Variants in RNF216 observed in about 807,000 individuals in gnomAD.
RNF216 encodes ring finger protein 216, also known as E3 ubiquitin-protein ligase RNF216.
A neutral mutation model predicts 110.8 loss-of-function variants in RNF216; 72 were observed. The observed-to-expected ratio is 0.65, with a 90% confidence interval of 0.54 to 0.79. The LOEUF is 0.79. Among genes scored for constraint, RNF216 ranks in the 30% least tolerant of loss-of-function variants. The pLI, the probability that RNF216 is intolerant of heterozygous loss-of-function variation, is 0.00. For missense variants in RNF216, 1,342 were observed against 1,141.2 expected (o/e 1.18, Z -2.54); for synonymous variants, 495 against 407.5 (o/e 1.21, Z -2.59).
intron 13 of RNF216, among the ~76,000 whole-genome samples, chr7:5,664,924 G>C (rs1789409897): frequency 6.6e-6 from 1 of 152,194 alleles, no homozygotes; most frequent in South Asian, 2.1e-4. Flanking sequence ...AGCCTCCCAA[G>C]TAGCTGGGAT....
chr7:5,735,691 A>G (rs556534865), intron 5 of RNF216, among the ~76,000 whole-genome samples: 1 of 152,234 alleles, frequency 6.6e-6, no homozygotes, highest in Non-Finnish European at 1.5e-5. Flanking sequence ...AGAAGACAGG[A>G]AACAGCTACA....
intron 1 of RNF216, among the ~76,000 whole-genome samples, chr7:5,769,926 C>CTGA (rs1796405035): frequency 7.7e-6 from 1 of 130,168 alleles, no homozygotes; most frequent in Admixed American, 9.3e-5. Context: ...AGCCAGGAGG[C>CTGA]TGAGACAGAG....
At chr7:5,708,262 T>C (rs1225337970) in intron 13 of RNF216, among the ~76,000 whole-genome samples, 1 of 152,250 alleles carries the variant, frequency 6.6e-6, no homozygotes, top group East Asian at 1.9e-4. Context: ...TCTATAGTGT[T>C]GTTCAAGTCA....
At chr7:5,677,424 G>A (rs1367274363) in intron 13 of RNF216, among the ~76,000 whole-genome samples, 1 of 152,048 alleles carries the variant, frequency 6.6e-6, no homozygotes, top group East Asian at 1.9e-4. Flanking sequence ...CATTTTCTCA[G>A]GCTTTCCTCT....
At chr7:5,735,678 T>TA (rs1340162298) in intron 5 of RNF216, among the ~76,000 whole-genome samples, 4 of 152,114 alleles carry the variant, frequency 2.6e-5, no homozygotes, top group Non-Finnish European at 5.9e-5. Flanking sequence ...GGAGAAGAGT[T>TA]ACAGAAGACA....
At chr7:5,699,547 T>C (rs1791836133) in intron 13 of RNF216, among the ~76,000 whole-genome samples, 1 of 152,266 alleles carries the variant, frequency 6.6e-6, no homozygotes. Context: ...CTTTTTGTTG[T>C]GTTCTTCACC....
At chr7:5,651,140 T>A (rs1366807136) in intron 14 of RNF216, among the ~76,000 whole-genome samples, 1 of 152,226 alleles carries the variant, frequency 6.6e-6, no homozygotes, top group East Asian at 1.9e-4. Context: ...TTCTTTGGGT[T>A]TGAGTGTAAA....
chr7:5,723,218 A>G (rs146117556), intron 8 of RNF216, among the ~76,000 whole-genome samples: 28 of 152,352 alleles, frequency 1.8e-4, no homozygotes, highest in Non-Finnish European at 3.1e-4. Flanking sequence ...TTAAGTGCTC[A>G]ATGTTAATTA....
chr7:5,740,515 G>C (rs889912037), intron 4 of RNF216, among the ~76,000 whole-genome samples: 3 of 152,136 alleles, frequency 2.0e-5, no homozygotes, highest in African/African-American at 7.2e-5. Flanking sequence ...TAAGCTGTTA[G>C]CCTCATGTGG....
intron 5 of RNF216, among the ~76,000 whole-genome samples, chr7:5,737,086 G>T (rs904009554): frequency 2.6e-5 from 4 of 152,256 alleles, no homozygotes; most frequent in African/African-American, 9.6e-5. Flanking sequence ...TAGAAAAGGG[G>T]GAAATGTGGG....
chr7:5,646,649 C>T (rs907681832), intron 14 of RNF216, among the ~76,000 whole-genome samples: 6 of 151,306 alleles, frequency 4.0e-5, no homozygotes, highest in Middle Eastern at 3.4e-3. Context: ...GCCAAGATTG[C>T]ACCACTGCAC....
chr7:5,663,598 A>AG (rs1789299462), intron 13 of RNF216, among the ~76,000 whole-genome samples: 1 of 150,122 alleles, frequency 6.7e-6, no homozygotes, highest in African/African-American at 2.5e-5. Context: ...AAAAAAAAAA[A>AG]AAAAAAAAAA....
rs1187593337 is a variant in RNF216 at position 5,775,522 on chromosome 7, T to A, written c.-70+6019A>T. ...GCCACTTCTGCAACAGATTTGGGGG[T>A]CACTAAAGACTTTCAAATTTAATGA... On this transcript the variant is annotated intron_variant, in intron 1 of 16. Transcript: ENST00000389902. Among the ~76,000 whole-genome samples the A allele has an allele frequency of 2.0e-5, 3 of 151,792 alleles. No individual in the cohort carries two copies. The East Asian group carries it at 5.8e-4, about 29-fold the overall frequency.
In RNF216 at chr7:5,626,952, A is replaced by G. The variant is rs572415121; in HGVS notation, c.2383-2827T>C. 2.0e-5 allele frequency among the ~76,000 whole-genome samples: 3 copies of G among 152,290 alleles called. No homozygotes were observed. In the East Asian group the frequency reaches 5.8e-4, roughly 29 times the overall value. On this transcript the variant is annotated intron_variant, in intron 15 of 16. Transcript: ENST00000389902. The stretch of plus-strand genomic sequence containing the variant: ...GTGCACACTGGGAGACACCCACAGT[A>G]TTTCTTTCAGGGGTCCTCACTCTGG...
chr7:5,739,152 T>C lies in RNF216; in HGVS notation c.1121+124A>G, dbSNP rs527635675. ...ATGGATGGTGGTGATAGTTGCATAATAATGTGAATTTACTTAACAACACCA... is the reference window on the plus strand; with the variant it reads ...ATGGATGGTGGTGATAGTTGCATAACAATGTGAATTTACTTAACAACACCA... On this transcript the variant is annotated intron_variant, in intron 5 of 16. Coordinates refer to ENST00000389902, the MANE Select transcript of RNF216 (RefSeq NM_207111.4). The C allele has an allele frequency of 1.9e-5, 22 of 1,160,596 alleles. No homozygotes were observed. In the East Asian group the frequency reaches 6.1e-4, roughly 32 times the overall value. The allele number at this position is 1,160,596 out of a possible 1,614,324, so 71.9% of individuals were successfully genotyped here. A position where few individuals can be genotyped will look rare whatever the true frequency, so the allele number is the denominator to read the frequency against.
At chr7:5,758,143 A>C (rs1045071347) in intron 2 of RNF216, among the ~76,000 whole-genome samples, 9 of 152,250 alleles carry the variant, frequency 5.9e-5, no homozygotes, top group Admixed American at 5.9e-4. Flanking sequence ...GTTGTTCTTA[A>C]AGAAACTGTT....
rs139859373 is a variant in RNF216, at chr7:5,623,052, C to T, written c.2580G>A (p.Ala860=). Residue 860 remains alanine, a synonymous_variant, in exon 17 of 17, where the codon GCG becomes GCA. Transcript: ENST00000389902. ...CGGGAGGCAGGGGGAAGGGTGGGTG[C>T]GCGAAGGCATAGGGTGGCATCTGTG... ...PQPQMPPYAF[A]HPPFPLPPVR... The T allele has an allele frequency of 1.2e-5, 20 of 1,613,718 alleles. No individual in the cohort carries two copies. In the African/African-American group the frequency reaches 1.5e-4, roughly 12 times the overall value.
In RNF216 at chr7:5,771,070, T is replaced by C. The variant is rs555834567; in HGVS notation, c.-69-9932A>G. 1.4e-4 allele frequency among the ~76,000 whole-genome samples: 21 copies of C among 152,270 alleles called. 1 individual carries two copies. In the South Asian group the frequency reaches 2.5e-3, roughly 18 times the overall value. The stretch of plus-strand genomic sequence containing the variant: ...ATTCGCCCACCTTGGCCTCCCAAAG[T>C]GCTGGGATTACAGGCGTGAGCCACC... On this transcript the variant is annotated intron_variant, in intron 1 of 16. Coordinates refer to ENST00000389902, the MANE Select transcript of RNF216 (RefSeq NM_207111.4).
At chr7:5,712,945 G>A in intron 11 of RNF216, 82 bp from the exon 12 acceptor site, 1 of 1,262,248 alleles carries the variant, frequency 7.9e-7, no homozygotes, top group East Asian at 2.5e-5. Context: ...TAAAAACATA[G>A]ATCCTGAGAC....
Sources: gnomAD v4.1 joint callset for allele counts (sites outside exome capture counted in the v4.1 genomes callset) on GRCh38, gnomAD v4.1.1 for gene constraint, MANE v1.5 for transcripts, NCBI Gene and HGNC (gene_info 2026-07-23, HGNC 2026-07-21) for gene names.